SGCG: variants seen among roughly 807,000 people sequenced by gnomAD.
SGCG encodes sarcoglycan gamma, also known as gamma-sarcoglycan.
In SGCG, 26 loss-of-function variants were observed where a neutral mutation model predicts 29.3. The observed-to-expected ratio is 0.89, with a 90% CI of 0.65 to 1.23. The LOEUF (loss-of-function observed/expected upper bound fraction) is 1.23, where lower values mean the gene tolerates loss of function less well. SGCG is among the 50% of genes most tolerant of loss of function. The pLI is 0.00. For missense variants in SGCG, 353 were observed against 356.0 expected (o/e 0.99, Z 0.07); for synonymous variants, 145 against 129.7 (o/e 1.12, Z -0.80).
At chr13:23,314,467 T>A (rs1882733433) in intron 6 of SGCG, among the ~76,000 whole-genome samples, 1 of 144,408 alleles carries the variant, frequency 6.9e-6, no homozygotes, top group Non-Finnish European at 1.5e-5. Flanking sequence ...TATATATATA[T>A]AAGATATATA....
intron 6 of SGCG, among the ~76,000 whole-genome samples, chr13:23,301,307 A>G (rs1470406540): frequency 6.6e-6 from 1 of 152,190 alleles, no homozygotes; most frequent in Admixed American, 6.5e-5. Flanking sequence ...CAAAGACAAG[A>G]TATTTTGAAA....
chr13:23,259,288 A>G (rs1324472275), intron 4 of SGCG, among the ~76,000 whole-genome samples: 1 of 152,156 alleles, frequency 6.6e-6, no homozygotes, highest in East Asian at 1.9e-4. Flanking sequence ...GTATGTGTCC[A>G]GGAAATATCC....
At chr13:23,191,861 A>G (rs1325592259) in intron 1 of SGCG, among the ~76,000 whole-genome samples, 4 of 152,170 alleles carry the variant, frequency 2.6e-5, no homozygotes, top group Non-Finnish European at 4.4e-5. Context: ...TAGGAAACAG[A>G]GTAGCGTACT....
At chr13:23,265,380 C>T (rs777375663) in intron 4 of SGCG, among the ~76,000 whole-genome samples, 1 of 152,010 alleles carries the variant, frequency 6.6e-6, no homozygotes, top group Non-Finnish European at 1.5e-5. Context: ...ACATCAAGAC[C>T]ATCCTGGCCA....
intron 2 of SGCG, among the ~76,000 whole-genome samples, chr13:23,224,678 A>ACACACACACACACACC (rs1878824734): frequency 2.1e-5 from 3 of 141,492 alleles, no homozygotes; most frequent in African/African-American, 5.0e-5. Flanking sequence ...ACACACACAC[A>ACACACACACACACACC]CACCCCACAC....
chr13:23,192,301 C>T (rs549741249), intron 1 of SGCG, among the ~76,000 whole-genome samples: 3 of 152,174 alleles, frequency 2.0e-5, no homozygotes, highest in Admixed American at 1.3e-4. Flanking sequence ...CTCCTTCATT[C>T]GATTCTTTTC....
intron 1 of SGCG, among the ~76,000 whole-genome samples, chr13:23,187,154 AC>A (rs1877010586): frequency 6.6e-6 from 1 of 151,852 alleles, no homozygotes; most frequent in Non-Finnish European, 1.5e-5. Context: ...TCTGTATATG[AC>A]CCCATTGTGG....
intron 4 of SGCG, among the ~76,000 whole-genome samples, chr13:23,260,199 A>G (rs1007342034): frequency 6.6e-6 from 1 of 152,076 alleles, no homozygotes; most frequent in Non-Finnish European, 1.5e-5. Context: ...ATGTATCTCT[A>G]AGGACTTGCT....
At chr13:23,227,278 G>C (rs1365740408) in intron 2 of SGCG, among the ~76,000 whole-genome samples, 2 of 128,576 alleles carry the variant, frequency 1.6e-5, no homozygotes, top group African/African-American at 5.9e-5. Context: ...TAAAATCCCA[G>C]AAAGAAAAAA....
At chr13:23,224,844 T>A (rs960603298) in intron 2 of SGCG, among the ~76,000 whole-genome samples, 127 of 152,092 alleles carry the variant, frequency 8.4e-4, no homozygotes, top group Non-Finnish European at 1.5e-4. Flanking sequence ...GATCATACAA[T>A]AGAGTAATTT....
chr13:23,289,808 G>T (rs899489098), intron 5 of SGCG, among the ~76,000 whole-genome samples: 23 of 152,292 alleles, frequency 1.5e-4, no homozygotes, highest in African/African-American at 4.8e-4. Flanking sequence ...TTTAGGATTT[G>T]TTTTAGTTCA....
intron 2 of SGCG, among the ~76,000 whole-genome samples, chr13:23,232,051 G>A (rs2137541727): frequency 6.6e-6 from 1 of 152,012 alleles, no homozygotes; most frequent in South Asian, 2.1e-4. Context: ...CCCAGGAGGT[G>A]GAGGTTGCAG....
rs747220624 is a variant in SGCG at position 23,250,656 on chromosome 13, C to A, written c.324C>A (p.Thr108=). ...ACTCATCTCTGCTTCTACAATCAACCCAGAATGTGACTGTAAATGCGCGCA... is the reference window on the plus strand; with the variant it reads ...ACTCATCTCTGCTTCTACAATCAACACAGAATGTGACTGTAAATGCGCGCA... ...RVDSSLLLQS[T]QNVTVNARNS... is the part of the protein sequence containing the mutation. The change falls in exon 4 of 8, where the codon ACC becomes ACA. Residue 108 remains threonine, a synonymous_variant. Transcript: ENST00000218867. 3.1e-6 allele frequency: 5 copies of A among 1,612,130 alleles called. No homozygotes were observed. The East Asian group carries it at 1.1e-4, about 36-fold the overall frequency.
chr13:23,176,143 C>G (rs1004723525), upstream of SGCG, among the ~76,000 whole-genome samples: 1 of 152,142 alleles, frequency 6.6e-6, no homozygotes, highest in Non-Finnish European at 1.5e-5. Context: ...TACTGTTATA[C>G]TGACCTCTTC....
intron 3 of SGCG, among the ~76,000 whole-genome samples, chr13:23,235,958 A>C (rs1879292308): frequency 1.3e-5 from 2 of 152,208 alleles, no homozygotes; most frequent in Non-Finnish European, 2.9e-5. Context: ...ATGGCATGTG[A>C]CTAACACATA....
At chr13:23,302,651 A>G (rs1566039099) in intron 6 of SGCG, among the ~76,000 whole-genome samples, 1 of 110,508 alleles carries the variant, frequency 9.0e-6, no homozygotes, top group South Asian at 3.5e-4. Flanking sequence ...TTACATATCA[A>G]TTAAAAATAA....
intron 2 of SGCG, among the ~76,000 whole-genome samples, chr13:23,232,046 G>A (rs1268211527): frequency 2.0e-5 from 3 of 151,982 alleles, no homozygotes; most frequent in African/African-American, 7.3e-5. Flanking sequence ...TTGAGCCCAG[G>A]AGGTGGAGGT....
chr13:23,279,231 C>A, intron 4 of SGCG, 128 bp from the exon 5 acceptor site: 2 of 822,912 alleles, frequency 2.4e-6, no homozygotes, highest in Non-Finnish European at 2.0e-6. Flanking sequence ...CAATCAATAC[C>A]ACTAATGGTA....
At chr13:23,186,572 TATATCCTATCCACTGGGG>T (rs937996137) in intron 1 of SGCG, among the ~76,000 whole-genome samples, 3 of 152,154 alleles carry the variant, frequency 2.0e-5, no homozygotes, top group African/African-American at 7.2e-5. Context: ...TCCAGAGGGA[TATATCCTATCCACTGGGG>T]ATGGAGCGCC....
Sources: gnomAD v4.1 joint callset for allele counts (sites outside exome capture counted in the v4.1 genomes callset) on GRCh38, gnomAD v4.1.1 for gene constraint, MANE v1.5 for transcripts, NCBI Gene and HGNC (gene_info 2026-07-23, HGNC 2026-07-21) for gene names.